STK32C: variants seen among roughly 807,000 people sequenced by gnomAD.
STK32C encodes serine/threonine-protein kinase 32C.
STK32C carries 31 observed loss-of-function variants against 56.5 expected under a neutral mutation model. That is an observed-to-expected ratio of 0.55 (90% CI 0.41 to 0.74). The LOEUF is 0.74. Ranked by LOEUF, STK32C falls within the 30% of genes least tolerant of loss-of-function variation. The pLI, the probability that STK32C is intolerant of heterozygous loss-of-function variation, is 0.00. For synonymous variants in STK32C, 309 were observed against 289.4 expected (o/e 1.07, Z -0.69); for missense variants, 544 against 676.9 (o/e 0.80, Z 2.18).
chr10:132,300,764 C>T (rs1237480881), intron 1 of STK32C, among the ~76,000 whole-genome samples: 3 of 152,150 alleles, frequency 2.0e-5, no homozygotes, highest in Non-Finnish European at 4.4e-5. Context: ...CCCGGGTGGC[C>T]ACTCGCCCCC....
chr10:132,259,212 C>A (rs1272112465), intron 1 of STK32C, among the ~76,000 whole-genome samples: 1 of 152,228 alleles, frequency 6.6e-6, no homozygotes, highest in East Asian at 1.9e-4. Flanking sequence ...GAAAATGGGC[C>A]CTGCAGGACC....
intron 3 of STK32C, 22 bp downstream of exon 3, chr10:132,227,955 A>T: frequency 6.2e-7 from 1 of 1,610,992 alleles, no homozygotes; most frequent in Non-Finnish European, 8.5e-7. Context: ...GTCTTTCTGC[A>T]GCGAGGCCAT....
chr10:132,316,815 G>A (rs1386713438), intron 1 of STK32C, among the ~76,000 whole-genome samples: 1 of 152,104 alleles, frequency 6.6e-6, no homozygotes. Context: ...CAGCAATTTG[G>A]GAGGCAAAGG....
chr10:132,300,998 A>G (rs928247446), intron 1 of STK32C, among the ~76,000 whole-genome samples: 5 of 152,176 alleles, frequency 3.3e-5, no homozygotes, highest in Non-Finnish European at 7.3e-5. Context: ...CTGGCTGGGA[A>G]GGGAAATGAC....
Position 132,222,986 on chromosome 10 carries a change from G to C in STK32C, c.994C>G (p.Leu332Val). 2 of 1,549,088 alleles carry C rather than the reference G, an allele frequency of 1.3e-6. No individual in the cohort carries two copies. The highest frequency in any genetic ancestry group is 1.7e-6 in the Non-Finnish European group (2 of 1,151,570). The change falls in exon 9 of 12, where the codon CTC becomes GTC. Residue 332 changes from leucine to valine, a missense_variant and splice_region_variant. Coordinates refer to ENST00000298630, the MANE Select transcript of STK32C (RefSeq NM_173575.4). ...SKEMVALLRK[L>V]LTVNPEHRLS... The stretch of plus-strand genomic sequence containing the variant: ...CGGTGCTCGGGGTTCACAGTGAGGA[G>C]CTGCAACCAGGCATGAGTCAGAGGG...
chr10:132,214,976 T>C (rs2062424740), intron 10 of STK32C, among the ~76,000 whole-genome samples: 1 of 152,196 alleles, frequency 6.6e-6, no homozygotes, highest in African/African-American at 2.4e-5. Flanking sequence ...ATAAATAGAC[T>C]ACAGTTACAA....
At chr10:132,268,796 C>CGTGT (rs765716979) in intron 1 of STK32C, among the ~76,000 whole-genome samples, 1 of 95,010 alleles carries the variant, frequency 1.1e-5, no homozygotes, top group South Asian at 3.8e-4. Context: ...TGTCCCACAT[C>CGTGT]GTGTGTGTGT....
chr10:132,243,553 T>A (rs1457771974), intron 2 of STK32C, among the ~76,000 whole-genome samples: 1 of 152,188 alleles, frequency 6.6e-6, no homozygotes, highest in Non-Finnish European at 1.5e-5. Flanking sequence ...CGCCACCACT[T>A]TCAGCCGGAC....
At chr10:132,331,441 T>C (rs772021600) in exon 1 of STK32C, 3 of 1,610,164 alleles carry the variant, frequency 1.9e-6, no homozygotes, top group Non-Finnish European at 2.5e-6. Flanking sequence ...CTCACTGCGT[T>C]TCCTCGCCCC....
chr10:132,245,899 C>G lies in STK32C; in HGVS notation c.318+1G>C. Reference sequence around the variant, plus strand: ...AGTCCCCACCCCAGGCCCTGCCTTACCTTGCCAAAGCTGCCCTTCCCAATG... The same window carrying G: ...AGTCCCCACCCCAGGCCCTGCCTTAGCTTGCCAAAGCTGCCCTTCCCAATG... On this transcript the variant is annotated splice_donor_variant, in intron 2 of 11. Coordinates refer to ENST00000298630, the MANE Select transcript of STK32C (RefSeq NM_173575.4). LOFTEE classifies it high-confidence loss of function. 1 of 1,612,932 alleles carries G rather than the reference C, an allele frequency of 6.2e-7. No homozygotes were observed. Among genetic ancestry groups the G allele is most frequent in the Non-Finnish European group, 8.5e-7 (1 of 1,179,998 alleles).
intron 10 of STK32C, among the ~76,000 whole-genome samples, chr10:132,211,898 G>A (rs972754028): frequency 3.9e-5 from 6 of 152,118 alleles, no homozygotes; most frequent in Non-Finnish European, 2.9e-5. Context: ...TCCCGAGAAG[G>A]GCGGGGGTCT....
At chr10:132,226,556 C>T (rs1160257080) in intron 4 of STK32C, among the ~76,000 whole-genome samples, 11 of 152,194 alleles carry the variant, frequency 7.2e-5, no homozygotes, top group Non-Finnish European at 1.5e-5. Flanking sequence ...GCCCACTGTG[C>T]CCAGTCTCAG....
At chr10:132,240,741 C>T (rs945930690) in intron 2 of STK32C, among the ~76,000 whole-genome samples, 4 of 151,762 alleles carry the variant, frequency 2.6e-5, no homozygotes, top group Admixed American at 6.6e-5. Flanking sequence ...GTGAGGGGTG[C>T]GCAGGGCAGG....
At chr10:132,238,459 T>C (rs1466674) in intron 2 of STK32C, among the ~76,000 whole-genome samples, 112,860 of 151,974 alleles carry the variant, frequency 0.74, 42,041 homozygotes, top group Admixed American at 0.8. Context: ...AGAGCCTTAG[T>C]GGAGGCTTCC....
intron 2 of STK32C, among the ~76,000 whole-genome samples, chr10:132,239,512 CGCTCCAT>C (rs1565096638): frequency 1.3e-5 from 2 of 152,256 alleles, no homozygotes; most frequent in Non-Finnish European, 2.9e-5. Context: ...AGATGGGGGT[CGCTCCAT>C]GCCACGCACT....
At chr10:132,274,979 C>T (rs991869710) in intron 1 of STK32C, among the ~76,000 whole-genome samples, 2 of 152,192 alleles carry the variant, frequency 1.3e-5, no homozygotes, top group African/African-American at 4.8e-5. Flanking sequence ...GGGACAGGGA[C>T]CGAGAACCCT....
chr10:132,314,639 C>A (rs967839762), intron 1 of STK32C, among the ~76,000 whole-genome samples: 1 of 151,860 alleles, frequency 6.6e-6, no homozygotes, highest in African/African-American at 2.4e-5. Context: ...TGAATTATAA[C>A]CTAAACACTA....
intron 1 of STK32C, among the ~76,000 whole-genome samples, chr10:132,327,532 G>A (rs1261825660): frequency 6.6e-6 from 1 of 151,836 alleles, no homozygotes; most frequent in Non-Finnish European, 1.5e-5. Context: ...CTGGAGTGCA[G>A]TGGCATGCTC....
chr10:132,238,349 C>G (rs1204879420), intron 2 of STK32C, among the ~76,000 whole-genome samples: 1 of 152,086 alleles, frequency 6.6e-6, no homozygotes, highest in Non-Finnish European at 1.5e-5. Flanking sequence ...TGAGACCGTT[C>G]GTTATAGTTA....
Sources: gnomAD v4.1 joint callset for allele counts (sites outside exome capture counted in the v4.1 genomes callset) on GRCh38, gnomAD v4.1.1 for gene constraint, MANE v1.5 for transcripts, NCBI Gene and HGNC (gene_info 2026-07-23, HGNC 2026-07-21) for gene names.